QTMAN: variants seen among roughly 807,000 people sequenced by gnomAD.
The protein encoded by QTMAN is queuosine-tRNA mannosyltransferase.
chr2:144,255,647 T>C, the QTMAN span, among the ~76,000 whole-genome samples: 9 of 152,300 alleles, frequency 5.9e-5, no homozygotes, highest in Middle Eastern at 3.4e-3. Flanking sequence ...CTGGAAAAGA[T>C]AAAAGTATAC....
At chr2:144,180,054 T>C in the QTMAN span, among the ~76,000 whole-genome samples, 1 of 152,162 alleles carries the variant, frequency 6.6e-6, no homozygotes, top group Non-Finnish European at 1.5e-5. Flanking sequence ...AGCATGAAGT[T>C]AGGAACATTA....
At chr2:144,242,472 A>AT in the QTMAN span, among the ~76,000 whole-genome samples, 5 of 152,228 alleles carry the variant, frequency 3.3e-5, no homozygotes, top group African/African-American at 7.2e-5. Context: ...GGTATCAAGG[A>AT]TAAAAAGTAA....
At chr2:144,184,967 G>A in the QTMAN span, among the ~76,000 whole-genome samples, 7 of 152,078 alleles carry the variant, frequency 4.6e-5, no homozygotes, top group Non-Finnish European at 7.4e-5. Context: ...CTGAAACTTA[G>A]CTTTTTCAAC....
At chr2:144,235,648 A>G in the QTMAN span, 2 of 152,584 alleles carry the variant, frequency 1.3e-5, no homozygotes, top group Non-Finnish European at 2.9e-5. Flanking sequence ...ATTGATGGAG[A>G]TATAAAAATG....
chr2:144,096,925 T>G, the QTMAN span, among the ~76,000 whole-genome samples: 1 of 152,242 alleles, frequency 6.6e-6, no homozygotes, highest in Non-Finnish European at 1.5e-5. Context: ...CAGAGAATAG[T>G]AAGTTTCTTT....
the QTMAN span, among the ~76,000 whole-genome samples, chr2:144,302,443 G>T: frequency 4.6e-5 from 7 of 152,158 alleles, no homozygotes; most frequent in African/African-American, 1.2e-4. Flanking sequence ...ATTTCTATCT[G>T]TTCCCTAACT....
At chr2:144,117,378 A>G in the QTMAN span, among the ~76,000 whole-genome samples, 3 of 152,100 alleles carry the variant, frequency 2.0e-5, no homozygotes, top group Non-Finnish European at 1.5e-5. Context: ...AACTCTAGCC[A>G]TTTCCTAGCT....
At chr2:144,156,695 A>G in the QTMAN span, among the ~76,000 whole-genome samples, 1 of 152,230 alleles carries the variant, frequency 6.6e-6, no homozygotes, top group East Asian at 1.9e-4. Flanking sequence ...GGTTTTCAAA[A>G]AACAAACAAA....
the QTMAN span, among the ~76,000 whole-genome samples, chr2:143,986,948 G>T: frequency 1.3e-5 from 2 of 152,154 alleles, no homozygotes; most frequent in East Asian, 3.9e-4. Flanking sequence ...CAAACAAAAG[G>T]AAGTTTTGGG....
the QTMAN span, among the ~76,000 whole-genome samples, chr2:144,064,001 T>C: frequency 6.6e-6 from 1 of 152,210 alleles, no homozygotes; most frequent in Admixed American, 6.5e-5. Flanking sequence ...GTTGACCTTA[T>C]TATAGAAATA....
chr2:144,008,007 A>T, the QTMAN span, among the ~76,000 whole-genome samples: 1 of 152,144 alleles, frequency 6.6e-6, no homozygotes, highest in African/African-American at 2.4e-5. Flanking sequence ...TTTGTATTAA[A>T]TTGACTTGGC....
At chr2:144,139,128 G>A in the QTMAN span, among the ~76,000 whole-genome samples, 1 of 151,998 alleles carries the variant, frequency 6.6e-6, no homozygotes, top group Non-Finnish European at 1.5e-5. Flanking sequence ...CTCAATCAAT[G>A]GATGGTAGGG....
the QTMAN span, chr2:144,317,725 T>A: frequency 6.6e-6 from 1 of 152,306 alleles, no homozygotes; most frequent in East Asian, 1.9e-4. Context: ...TCTGACCTGA[T>A]ACAAAACTAG....
the QTMAN span, among the ~76,000 whole-genome samples, chr2:144,276,207 T>G: frequency 1.3e-4 from 20 of 151,786 alleles, no homozygotes; most frequent in Admixed American, 2.6e-4. Context: ...AAAATTCTGG[T>G]TTTTTTTAAA....
chr2:143,980,791 G>T, the QTMAN span, among the ~76,000 whole-genome samples: 1 of 152,252 alleles, frequency 6.6e-6, no homozygotes, highest in Admixed American at 6.5e-5. Flanking sequence ...TGCCAATCCA[G>T]CTTCCAAAAG....
chr2:144,313,409 T>A, the QTMAN span, among the ~76,000 whole-genome samples: 1 of 152,162 alleles, frequency 6.6e-6, no homozygotes, highest in Non-Finnish European at 1.5e-5. Flanking sequence ...AGTGTATAAT[T>A]CCCCTACATT....
At chr2:144,186,497 AATACAT>A in the QTMAN span, among the ~76,000 whole-genome samples, 1 of 152,202 alleles carries the variant, frequency 6.6e-6, no homozygotes, top group Non-Finnish European at 1.5e-5. Flanking sequence ...AGACAAAACT[AATACAT>A]AGATGTATGT....
chr2:144,256,298 T>C, the QTMAN span, among the ~76,000 whole-genome samples: 1 of 152,206 alleles, frequency 6.6e-6, no homozygotes, highest in African/African-American at 2.4e-5. Context: ...ACTTCACTTT[T>C]ACAATGACGG....
the QTMAN span, among the ~76,000 whole-genome samples, chr2:144,114,952 G>A: frequency 2.8e-4 from 42 of 152,276 alleles, no homozygotes; most frequent in South Asian, 8.3e-4. Context: ...ATTCAGGCCA[G>A]GCATGGTGAC....
Sources: gnomAD v4.1 joint callset for allele counts (sites outside exome capture counted in the v4.1 genomes callset) on GRCh38, gnomAD v4.1.1 for gene constraint, MANE v1.5 for transcripts, NCBI Gene and HGNC (gene_info 2026-07-23, HGNC 2026-07-21) for gene names.